The following IQGAP2 variants were observed in gnomAD, a reference collection of about 807,000 sequenced individuals.
IQGAP2 encodes the protein IQ motif containing GTPase activating protein 2.
Under a neutral mutation model 201.3 loss-of-function variants are expected in IQGAP2, and 173 were observed. The ratio of observed to expected loss-of-function variants is 0.86; its 90% CI spans 0.76 to 0.98. The LOEUF (loss-of-function observed/expected upper bound fraction) is 0.98, where lower values mean the gene tolerates loss of function less well. Ranked by LOEUF, IQGAP2 falls within the 50% of genes least tolerant of loss-of-function variation. IQGAP2 has a pLI of 0.00. For missense variants in IQGAP2, 1,687 were observed against 1,864.8 expected (o/e 0.90, Z 1.76); for synonymous variants, 675 against 673.9 (o/e 1.00, Z -0.03).
intron 23 of IQGAP2, among the ~76,000 whole-genome samples, chr5:76,670,505 C>T (rs1744214763): frequency 6.6e-6 from 1 of 152,132 alleles, no homozygotes. Context: ...CAGAGCCAGA[C>T]TCCGTCTCAA....
At chr5:76,435,686 A>G (rs547104662) in intron 1 of IQGAP2, among the ~76,000 whole-genome samples, 2 of 152,218 alleles carry the variant, frequency 1.3e-5, no homozygotes, top group Admixed American at 1.3e-4. Context: ...TTGGTTCCAT[A>G]TGAACTTTAG....
chr5:76,643,309 T>A (rs2937414), intron 17 of IQGAP2, among the ~76,000 whole-genome samples: 94,092 of 152,082 alleles, frequency 0.62, 29,259 homozygotes, highest in South Asian at 0.78. Context: ...AGAATGCAAA[T>A]TAGACACTGA....
intron 1 of IQGAP2, among the ~76,000 whole-genome samples, chr5:76,457,376 TGG>T (rs1292904649): frequency 1.3e-5 from 2 of 152,214 alleles, no homozygotes; most frequent in Non-Finnish European, 2.9e-5. Flanking sequence ...GCCCTGGTTT[TGG>T]GGCCTCTTGC....
intron 1 of IQGAP2, among the ~76,000 whole-genome samples, chr5:76,448,307 G>A (rs1259572229): frequency 6.6e-6 from 1 of 152,170 alleles, no homozygotes; most frequent in Non-Finnish European, 1.5e-5. Context: ...AGGAGATGAA[G>A]CCTCACCTGC....
chr5:76,664,689 A>T (rs1198913654), intron 21 of IQGAP2, among the ~76,000 whole-genome samples: 2 of 22,808 alleles, frequency 8.8e-5, no homozygotes, highest in African/African-American at 2.9e-4. Context: ...TTTCAAAAAA[A>T]AAAAAAGATC....
At chr5:76,624,974 T>C (rs1750088740) in intron 13 of IQGAP2, among the ~76,000 whole-genome samples, 1 of 152,194 alleles carries the variant, frequency 6.6e-6, no homozygotes, top group Admixed American at 6.5e-5. Flanking sequence ...CTTGGGAGGC[T>C]GAGGCAGGAG....
chr5:76,444,000 G>A (rs1753215293), intron 1 of IQGAP2, among the ~76,000 whole-genome samples: 1 of 152,168 alleles, frequency 6.6e-6, no homozygotes, highest in African/African-American at 2.4e-5. Context: ...CCAAATTAGA[G>A]TGATCCTGCC....
At chr5:76,659,550 C>A (rs1743071185) in intron 21 of IQGAP2, among the ~76,000 whole-genome samples, 2 of 152,158 alleles carry the variant, frequency 1.3e-5, no homozygotes, top group African/African-American at 4.8e-5. Context: ...CTAGAAAATC[C>A]TAGCTTTTGT....
At chr5:76,665,790 G>T (rs919109847) in intron 22 of IQGAP2, among the ~76,000 whole-genome samples, 4 of 152,210 alleles carry the variant, frequency 2.6e-5, no homozygotes, top group African/African-American at 9.6e-5. Flanking sequence ...GGACTTTGAT[G>T]GATCACTTAT....
chr5:76,594,228 G>A (rs1746856489), intron 9 of IQGAP2, among the ~76,000 whole-genome samples: 2 of 152,176 alleles, frequency 1.3e-5, no homozygotes, highest in South Asian at 4.1e-4. Flanking sequence ...AATTACAGGA[G>A]GAAATTAATG....
Position 76,697,950 on chromosome 5 carries a change from T to G in IQGAP2, c.4207-37T>G, listed in dbSNP as rs759151609. 3 of 1,541,610 alleles carry G rather than the reference T, an allele frequency of 1.9e-6. No individual in the cohort carries two copies. In the South Asian group the frequency reaches 3.6e-5, roughly 18 times the overall value. ...AACTGGCAATATCATAAAGCAAACT[T>G]CTGCTTAAATATGATACCCCTTACT... On this transcript the variant is annotated intron_variant, in intron 32 of 35. Transcript: ENST00000274364.
At chr5:76,685,236 A>G (rs1490362870) in intron 30 of IQGAP2, among the ~76,000 whole-genome samples, 1 of 152,114 alleles carries the variant, frequency 6.6e-6, no homozygotes. Flanking sequence ...AGGGGGAGAA[A>G]GTCTACACCC....
intron 17 of IQGAP2, among the ~76,000 whole-genome samples, chr5:76,650,282 T>C (rs1295183555): frequency 6.6e-6 from 1 of 152,272 alleles, no homozygotes; most frequent in Non-Finnish European, 1.5e-5. Context: ...TGATGGGGTA[T>C]GTGTGTTTAC....
intron 2 of IQGAP2, among the ~76,000 whole-genome samples, chr5:76,540,559 C>G (rs527285185): frequency 6.6e-6 from 1 of 152,272 alleles, no homozygotes; most frequent in South Asian, 2.1e-4. Flanking sequence ...GGAATGAGAA[C>G]AGGGAATGAC....
intron 2 of IQGAP2, among the ~76,000 whole-genome samples, chr5:76,506,440 G>T (rs1757611477): frequency 6.6e-6 from 1 of 152,182 alleles, no homozygotes. Context: ...AAGTTTGGAA[G>T]TTAATGGGAA....
At chr5:76,678,275 T>C (rs1745001432) in intron 28 of IQGAP2, among the ~76,000 whole-genome samples, 1 of 152,222 alleles carries the variant, frequency 6.6e-6, no homozygotes. Context: ...CATCATGTGC[T>C]GTGTTATGAC....
intron 5 of IQGAP2, among the ~76,000 whole-genome samples, chr5:76,587,552 G>A (rs1399673005): frequency 2.0e-5 from 3 of 152,278 alleles, no homozygotes; most frequent in African/African-American, 7.2e-5. Context: ...AAAATATTTA[G>A]TGTGTAACTG....
In IQGAP2 at chr5:76,658,668, G is replaced by A; in HGVS notation, c.2529+1G>A. On this transcript the variant is annotated splice_donor_variant, in intron 21 of 35. Transcript: ENST00000274364. LOFTEE classifies it high-confidence loss of function. ...GGTGAAGAACAGGATCACACTAGAG[G>A]TCAGTGGGGTTTTTGGGACTGTCAG... 2.5e-6 allele frequency: 4 copies of A among 1,613,392 alleles called. No homozygotes were observed. The highest frequency in any genetic ancestry group is 3.4e-6 in the Non-Finnish European group (4 of 1,179,662).
At chr5:76,411,492 T>C (rs1279947294) in intron 1 of IQGAP2, among the ~76,000 whole-genome samples, 1 of 152,178 alleles carries the variant, frequency 6.6e-6, no homozygotes, top group Non-Finnish European at 1.5e-5. Flanking sequence ...CATGCAGTAG[T>C]GTTGGGAGGT....
Sources: allele counts gnomAD v4.1 joint callset (sites outside exome capture counted in the v4.1 genomes callset), GRCh38; gene constraint gnomAD v4.1.1; transcripts MANE v1.5; gene names NCBI Gene and HGNC (gene_info 2026-07-23, HGNC 2026-07-21).